AUNIP: variants seen among roughly 807,000 people sequenced by gnomAD.
AUNIP encodes the protein aurora kinase A and ninein interacting protein, also known as aurora kinase A- and ninein-interacting protein.
In AUNIP, 16 loss-of-function variants were observed where a neutral mutation model predicts 12.2. The observed-to-expected ratio is 1.31, with a 90% confidence interval of 0.88 to 1.99. The LOEUF (loss-of-function observed/expected upper bound fraction) is 1.99. Ranked by LOEUF, AUNIP falls within the 30% of genes most tolerant of loss-of-function variation. The pLI is 0.00. For synonymous variants in AUNIP, 142 were observed against 154.8 expected, an observed-to-expected ratio of 0.92 and a Z score of 0.61; for missense variants, 411 against 419.1, an observed-to-expected ratio of 0.98 and a Z score of 0.17.
chr1:25,851,286 AT>A (rs1331460416), intron 1 of AUNIP, among the ~76,000 whole-genome samples: 1 of 152,130 alleles, frequency 6.6e-6, no homozygotes, highest in Non-Finnish European at 1.5e-5. Context: ...TTTGTTGAGT[AT>A]TTTTGTATCT....
chr1:25,859,364 T>G lies in AUNIP; in HGVS notation c.-7A>C. 1.3e-6 allele frequency: 2 copies of G among 1,519,700 alleles called. No individual in the cohort carries two copies. The highest frequency in any genetic ancestry group is 1.8e-6 in the Non-Finnish European group (2 of 1,138,786). The allele number at this position is 1,519,700 out of a possible 1,614,324, so 94.1% of individuals were successfully genotyped here. On this transcript the variant is annotated 5_prime_UTR_variant, in exon 1 of 3. Transcript: ENST00000374298. ...CGGGGCCTGTCCGCCTCATGGCCGC[T>G]GAGGAGACGAAGCCGGCAGGACGCC...
chr1:25,839,393 AG>A (rs2048333095), intron 1 of AUNIP, among the ~76,000 whole-genome samples: 1 of 152,266 alleles, frequency 6.6e-6, no homozygotes, highest in African/African-American at 2.4e-5. Flanking sequence ...CCACAAAGCC[AG>A]GCAATGAAAC....
At chr1:25,859,242 C>T in intron 1 of AUNIP, 38 bp downstream of exon 1, 2 of 1,554,678 alleles carry the variant, frequency 1.3e-6, no homozygotes, top group Non-Finnish European at 1.7e-6. Flanking sequence ...CCAGGCCCTA[C>T]CTGGTTCCCA....
chr1:25,837,407 C>T lies in AUNIP; in HGVS notation c.220+6G>A. 2 of 1,612,886 alleles carry T rather than the reference C, an allele frequency of 1.2e-6. No individual in the cohort carries two copies. Among genetic ancestry groups the T allele is most frequent in the Non-Finnish European group, 1.7e-6 (2 of 1,179,484 alleles). On this transcript the variant is annotated splice_donor_region_variant and intron_variant, in intron 2 of 2. Coordinates refer to ENST00000374298, the MANE Select transcript of AUNIP (RefSeq NM_024037.3). ...TAATGAAGTATTCCCATATGGGTCA[C>T]CATACCTGGCTGCAAGGTGAAGAAG... is the stretch of plus-strand genomic sequence containing the variant.
rs374215408 is a variant in AUNIP at position 25,837,394 on chromosome 1, C to T, written c.220+19G>A. 1.2e-5 allele frequency: 20 copies of T among 1,607,478 alleles called. No homozygotes were observed. In the African/African-American group the frequency reaches 2.1e-4, roughly 17 times the overall value. On this transcript the variant is annotated intron_variant, in intron 2 of 2. Transcript: ENST00000374298. ...TTTTTGCTCTGGATAATGAAGTATTCCCATATGGGTCACCATACCTGGCTG... is the reference window on the plus strand; with the variant it reads ...TTTTTGCTCTGGATAATGAAGTATTTCCATATGGGTCACCATACCTGGCTG...
rs1462116764 is a variant in AUNIP, at chr1:25,835,642, T to C, written c.425A>G (p.His142Arg). 6.2e-7 allele frequency: 1 copy of C among 1,614,112 alleles called. No homozygotes were observed. Among genetic ancestry groups the C allele is most frequent in the African/African-American group, 1.3e-5 (1 of 74,944 alleles). Residue 142 changes from histidine (H) to arginine (R), a missense_variant, in exon 3 of 3, where the codon CAC (histidine) becomes CGC (arginine). By Grantham distance (29) the His-to-Arg change is conservative (BLOSUM62 0). Coordinates refer to ENST00000374298, the MANE Select transcript of AUNIP (RefSeq NM_024037.3). ...LSPQSLQTSG[H>R]HRMKTPFSTE... is the part of the protein sequence containing the mutation. ...TGAAAATGGGGTTTTCATTCTGTGGTGGCCAGAAGTCTGGAGGGACTGAGG... is the reference window on the plus strand; with the variant it reads ...TGAAAATGGGGTTTTCATTCTGTGGCGGCCAGAAGTCTGGAGGGACTGAGG...
chr1:25,837,051 T>G (rs932300), intron 2 of AUNIP, among the ~76,000 whole-genome samples: 2 of 152,090 alleles, frequency 1.3e-5, no homozygotes, highest in African/African-American at 4.8e-5. Context: ...TATCAATTAT[T>G]AATTAACCTT....
At chr1:25,854,335 A>C (rs2048444269) in intron 1 of AUNIP, among the ~76,000 whole-genome samples, 1 of 152,184 alleles carries the variant, frequency 6.6e-6, no homozygotes, top group Non-Finnish European at 1.5e-5. Context: ...AAACCATCAC[A>C]GTCCACCTTC....
chr1:25,853,904 G>A (rs1012579264), intron 1 of AUNIP, among the ~76,000 whole-genome samples: 9 of 152,238 alleles, frequency 5.9e-5, no homozygotes, highest in African/African-American at 1.7e-4. Flanking sequence ...ATCAGTTCCC[G>A]CAATATTCTA....
intron 1 of AUNIP, among the ~76,000 whole-genome samples, chr1:25,842,993 C>A (rs570199589): frequency 1.3e-5 from 2 of 151,828 alleles, no homozygotes; most frequent in Non-Finnish European, 2.9e-5. Flanking sequence ...CCAGCCTGGG[C>A]AACATGGTGA....
Position 25,835,290 on chromosome 1 carries a change from T to C in AUNIP, c.777A>G (p.Ile259Met). 6.2e-7 allele frequency: 1 copy of C among 1,614,174 alleles called. No homozygotes were observed. Among genetic ancestry groups the C allele is most frequent in the African/African-American group, 1.3e-5 (1 of 75,074 alleles). Reference protein sequence around the residue: ...TYRESWNGENIESVKQSRSPV... With the variant: ...TYRESWNGENMESVKQSRSPV... ...GACTACGGCTTTGTTTCACTGATTC[T>C]ATGTTTTCTCCATTCCAGGATTCCC... The change falls in exon 3 of 3, where the codon ATA (isoleucine) becomes ATG (methionine). Residue 259 changes from isoleucine to methionine, a missense_variant. Physicochemically the swap from Ile to Met is conservative, Grantham distance 10. Coordinates refer to ENST00000374298, the MANE Select transcript of AUNIP (RefSeq NM_024037.3).
chr1:25,848,929 C>T (rs2048406504), intron 1 of AUNIP, among the ~76,000 whole-genome samples: 1 of 152,240 alleles, frequency 6.6e-6, no homozygotes, highest in Non-Finnish European at 1.5e-5. Context: ...ATACCCCTGC[C>T]ATTGGCTGAT....
At position 25,834,931 on chromosome 1, in the gene AUNIP, C is replaced by T. The variant is rs940438820; in HGVS notation, c.*62G>A. The T allele has an allele frequency of 2.1e-5, 33 of 1,546,038 alleles. No homozygotes were observed. The highest frequency in any genetic ancestry group is 2.1e-4 in the Middle Eastern group (1 of 4,744). ...ACAAACTCACTCCTCTCTCCACCCA[C>T]AACTATATTTTCCTACATCTCTATC... On this transcript the variant is annotated 3_prime_UTR_variant, in exon 3 of 3. Transcript: ENST00000374298.
At chr1:25,846,382 G>A (rs1176564283) in intron 1 of AUNIP, among the ~76,000 whole-genome samples, 1 of 127,164 alleles carries the variant, frequency 7.9e-6, no homozygotes, top group Non-Finnish European at 1.6e-5. Context: ...TTGGGCCACT[G>A]CACTCCAGCG....
chr1:25,836,173 G>A (rs1331725268), intron 2 of AUNIP, among the ~76,000 whole-genome samples: 3 of 152,108 alleles, frequency 2.0e-5, no homozygotes, highest in Admixed American at 6.5e-5. Flanking sequence ...TTTAACATAC[G>A]GCACATCAGT....
In AUNIP at chr1:25,835,440, C is replaced by G; in HGVS notation, c.627G>C (p.Gln209His). Residue 209 changes from glutamine (Q) to histidine (H), a missense_variant, in exon 3 of 3, where the codon CAG becomes CAC. Transcript: ENST00000374298. ...GTAGTTTGGTGTGTTTCTCCATACT[C>G]TGATAGTTCTTCTTAGACTCATGAA... ...EWLHESKKNY[Q>H]SMEKHTKLPG... 2 of 1,614,252 alleles carry G rather than the reference C, an allele frequency of 1.2e-6. No individual in the cohort carries two copies. The highest frequency in any genetic ancestry group is 2.2e-5 in the East Asian group (1 of 44,892).
chr1:25,835,243 T>C lies in AUNIP; in HGVS notation c.824A>G (p.Asp275Gly). ...SRSPVSVFSW[D>G]NEKNDKDSWS... is the part of the protein sequence containing the mutation. ...GGAGTCCTTGTCATTCTTTTCATTGTCCCAGGAAAACACAGAAACTGGACT... is the reference window on the plus strand; with the variant it reads ...GGAGTCCTTGTCATTCTTTTCATTGCCCCAGGAAAACACAGAAACTGGACT... Residue 275 changes from aspartate (D) to glycine (G), a missense_variant, in exon 3 of 3, where the codon GAC becomes GGC. Asp to Gly is a moderately conservative substitution (Grantham distance 94). Coordinates refer to ENST00000374298, the MANE Select transcript of AUNIP (RefSeq NM_024037.3). 1 of 1,614,206 alleles carries C rather than the reference T, an allele frequency of 6.2e-7. No individual in the cohort carries two copies. Among genetic ancestry groups the C allele is most frequent in the East Asian group, 2.2e-5 (1 of 44,886 alleles).
At chr1:25,854,349 C>T (rs1291509529) in intron 1 of AUNIP, among the ~76,000 whole-genome samples, 1 of 152,130 alleles carries the variant, frequency 6.6e-6, no homozygotes, top group East Asian at 1.9e-4. Context: ...CACCTTCTGG[C>T]CCAAATTACT....
At chr1:25,838,517 A>G (rs2048321762) in intron 1 of AUNIP, among the ~76,000 whole-genome samples, 1 of 151,890 alleles carries the variant, frequency 6.6e-6, no homozygotes, top group South Asian at 2.1e-4. Flanking sequence ...AAAAAAAAGG[A>G]AAAAAGAAAA....
Sources: allele counts gnomAD v4.1 joint callset (sites outside exome capture counted in the v4.1 genomes callset), GRCh38; gene constraint gnomAD v4.1.1; transcripts MANE v1.5; gene names NCBI Gene and HGNC (gene_info 2026-07-23, HGNC 2026-07-21).